The following MARCHF6 variants were observed in gnomAD, a reference collection of about 807,000 sequenced individuals.
MARCHF6 encodes the protein membrane associated ring-CH-type finger 6.
A neutral mutation model predicts 133.7 loss-of-function variants in MARCHF6; 31 were observed. That is an observed-to-expected ratio of 0.23 (90% CI 0.17 to 0.31). The LOEUF is 0.31. Among genes scored for constraint, MARCHF6 ranks in the 10% least tolerant of loss-of-function variants. MARCHF6 has a pLI of 1.00. For missense variants in MARCHF6, 723 were observed against 1,121.6 expected, an observed-to-expected ratio of 0.64 and a Z score of 5.08; for synonymous variants, 395 against 402.5, an observed-to-expected ratio of 0.98 and a Z score of 0.22.
Position 10,413,791 on chromosome 5 carries a change from A to G in MARCHF6, c.1897-642A>G, listed in dbSNP as rs533154819. Reference sequence around the variant, plus strand: ...CTACCAGGAGAACAGTATGGGGGAAACTGCCCCATGATTCAGTTATCTCCA... The same window carrying G: ...CTACCAGGAGAACAGTATGGGGGAAGCTGCCCCATGATTCAGTTATCTCCA... On this transcript the variant is annotated intron_variant, in intron 19 of 25. Coordinates refer to ENST00000274140, the MANE Select transcript of MARCHF6 (RefSeq NM_005885.4). 2.0e-5 allele frequency among the ~76,000 whole-genome samples: 3 copies of G among 152,212 alleles called. No individual in the cohort carries two copies. The East Asian group carries it at 5.8e-4, about 29-fold the overall frequency.
chr5:10,387,598 C>T (rs556987486), intron 5 of MARCHF6, among the ~76,000 whole-genome samples: 58 of 151,984 alleles, frequency 3.8e-4, no homozygotes, highest in African/African-American at 1.2e-3. Flanking sequence ...CCACCGCGCC[C>T]GTCCGGGATG....
intron 6 of MARCHF6, 124 bp downstream of exon 6, chr5:10,390,624 GGCA>G (rs1737767592): frequency 5.2e-6 from 5 of 958,618 alleles, no homozygotes; most frequent in Non-Finnish European, 7.5e-6. Flanking sequence ...TACAAAGGAG[GGCA>G]GCGGAAAGGT....
intron 1 of MARCHF6, among the ~76,000 whole-genome samples, chr5:10,356,343 A>ATTTATTTTACTTTAT (rs1735459520): frequency 2.0e-5 from 2 of 101,448 alleles, no homozygotes; most frequent in Non-Finnish European, 4.0e-5. Context: ...TCTGTTTTTT[A>ATTTATTTTACTTTAT]TTTATTTTAT....
At chr5:10,402,356 T>G in intron 12 of MARCHF6, 28 bp from the exon 13 acceptor site, 1 of 1,593,462 alleles carries the variant, frequency 6.3e-7, no homozygotes, top group Non-Finnish European at 8.6e-7. Context: ...CTTTAAATAC[T>G]CAGTTTTTCC....
chr5:10,372,179 A>G (rs1736511679), intron 1 of MARCHF6, among the ~76,000 whole-genome samples: 1 of 151,662 alleles, frequency 6.6e-6, no homozygotes, highest in Admixed American at 6.6e-5. Flanking sequence ...TTTCTGCTCC[A>G]TAATGGAGCA....
Position 10,378,726 on chromosome 5 carries a change from A to G in MARCHF6, c.117-33A>G, listed in dbSNP as rs755710274. On this transcript the variant is annotated intron_variant, in intron 2 of 25. Coordinates refer to ENST00000274140, the MANE Select transcript of MARCHF6 (RefSeq NM_005885.4). ...AAACTGTAATGTTTCTTTGCTGTAA[A>G]CACTGTACTTATGAATCTATTTATA... 7 of 1,296,066 alleles carry G rather than the reference A, an allele frequency of 5.4e-6. No homozygotes were observed. In the East Asian group the frequency reaches 1.6e-4, roughly 30 times the overall value. The allele number at this position is 1,296,066 out of a possible 1,614,324, so 80.3% of individuals were successfully genotyped here. A position where few individuals can be genotyped will look rare whatever the true frequency, so the allele number is the denominator to read the frequency against.
chr5:10,422,826 G>T (rs1460094812), intron 22 of MARCHF6, among the ~76,000 whole-genome samples: 1 of 152,110 alleles, frequency 6.6e-6, no homozygotes, highest in African/African-American at 2.4e-5. Flanking sequence ...GGATATAGAT[G>T]TATAGATGCA....
At chr5:10,376,690 C>G (rs994289552) in intron 1 of MARCHF6, among the ~76,000 whole-genome samples, 14 of 152,182 alleles carry the variant, frequency 9.2e-5, no homozygotes, top group African/African-American at 3.4e-4. Context: ...CTCCACCAGC[C>G]TAGAAAAGGC....
In MARCHF6 at chr5:10,439,053, C is replaced by T. The variant is rs1740756944; in HGVS notation, c.*5369C>T. 1 of 152,214 alleles carries T rather than the reference C, an allele frequency of 6.6e-6. No homozygotes were observed. Among genetic ancestry groups the T allele is most frequent in the Admixed American group, 6.5e-5 (1 of 15,292 alleles). 9.4% of individuals were successfully genotyped at this position (152,214 alleles called of 1,614,324 possible). On this transcript the variant is annotated 3_prime_UTR_variant, in exon 26 of 26. Coordinates refer to ENST00000274140, the MANE Select transcript of MARCHF6 (RefSeq NM_005885.4). ...TTCAGTAACTCTTCTTTAGGATACA[C>T]CTAAAGATGAGAAGCTTCATACCCA...
chr5:10,377,716 A>C, intron 1 of MARCHF6, 82 bp from the exon 2 acceptor site: 1 of 816,738 alleles, frequency 1.2e-6, no homozygotes. Flanking sequence ...TTTAATGTCC[A>C]ATATTTTGGT....
chr5:10,417,173 G>A (rs1739558929), intron 21 of MARCHF6, 97 bp from the exon 22 acceptor site: 3 of 1,371,770 alleles, frequency 2.2e-6, no homozygotes, highest in Non-Finnish European at 3.0e-6. Flanking sequence ...GATGACTGTG[G>A]TTGCTCTGTT....
Position 10,405,864 on chromosome 5 carries a change from A to G in MARCHF6, c.1452+187A>G, listed in dbSNP as rs551062383. Among the ~76,000 whole-genome samples, 5 of 152,294 alleles carry G rather than the reference A, an allele frequency of 3.3e-5. 1 individual carries two copies. In the East Asian group the frequency reaches 9.6e-4, roughly 29 times the overall value. ...GGTTACTTTGTTAAAATAAATATGTAAAAAGATATTTACTAAAAGGAAGAT... is the reference window on the plus strand; with the variant it reads ...GGTTACTTTGTTAAAATAAATATGTGAAAAGATATTTACTAAAAGGAAGAT... On this transcript the variant is annotated intron_variant, in intron 16 of 25. Transcript: ENST00000274140.
At position 10,397,389 on chromosome 5, in the gene MARCHF6, A is replaced by G. The variant is rs760319562; in HGVS notation, c.913+45A>G. 13 of 1,431,334 alleles carry G rather than the reference A, an allele frequency of 9.1e-6. No individual in the cohort carries two copies. The African/African-American group carries it at 1.6e-4, about 18-fold the overall frequency. 88.7% of individuals were successfully genotyped at this position (1,431,334 alleles called of 1,614,324 possible). A position where few individuals can be genotyped will look rare whatever the true frequency, so the allele number is the denominator to read the frequency against. ...TTTTTTTTTATAGTATTATGGTAGG[A>G]ATTTAGTTTTGTAGGAGCCTTGTTA... On this transcript the variant is annotated intron_variant, in intron 10 of 25. Transcript: ENST00000274140.
At position 10,405,657 on chromosome 5, in the gene MARCHF6, C is replaced by T; in HGVS notation, c.1432C>T (p.Arg478Ter). ...MIHLPIYRHL[R>*]RFILSVIVFG... ...CCATTTGCCAATATATAGGCATCTC[C>T]GAAGATTTATTTTGTCAGTGGTAAG... The change falls in exon 16 of 26, where the codon CGA becomes TGA. Residue 478 changes from arginine to a stop codon, truncating the protein, a stop_gained. Coordinates refer to ENST00000274140, the MANE Select transcript of MARCHF6 (RefSeq NM_005885.4). LOFTEE classifies it high-confidence loss of function. 6.3e-7 allele frequency: 1 copy of T among 1,592,660 alleles called. No individual in the cohort carries two copies. Among genetic ancestry groups the T allele is most frequent in the Non-Finnish European group, 8.5e-7 (1 of 1,173,362 alleles).
At chr5:10,378,215 G>C (rs1457521842) in intron 2 of MARCHF6, among the ~76,000 whole-genome samples, 1 of 152,084 alleles carries the variant, frequency 6.6e-6, no homozygotes, top group Non-Finnish European at 1.5e-5. Context: ...GTTTTGCTTG[G>C]CATAATAGTA....
chr5:10,424,031 G>GT lies in MARCHF6; in HGVS notation c.2373+215dup, dbSNP rs543351133. On this transcript the variant is annotated intron_variant, in intron 23 of 25. Coordinates refer to ENST00000274140, the MANE Select transcript of MARCHF6 (RefSeq NM_005885.4). ...GGAAAATAATTTGTTCTCAACCCTT[G>GT]TTTTTTTTAGTTAAAATGGAACCCT... Among the ~76,000 whole-genome samples the GT allele has an allele frequency of 6.2e-4, 89 of 142,720 alleles. 2 individuals carry two copies. Among genetic ancestry groups the GT allele is most frequent in the Middle Eastern group, 3.5e-3 (1 of 286 alleles). 93.6% of individuals were successfully genotyped at this position (142,720 alleles called of 152,430 possible). A position where few individuals can be genotyped will look rare whatever the true frequency, so the allele number is the denominator to read the frequency against.
intron 22 of MARCHF6, among the ~76,000 whole-genome samples, chr5:10,420,894 A>G: frequency 6.6e-6 from 1 of 152,196 alleles, no homozygotes; most frequent in East Asian, 1.9e-4. Flanking sequence ...TCTGCTTTCT[A>G]ATAGCATCTG....
chr5:10,375,362 C>A (rs992279452), intron 1 of MARCHF6, among the ~76,000 whole-genome samples: 1 of 152,254 alleles, frequency 6.6e-6, no homozygotes, highest in Non-Finnish European at 1.5e-5. Context: ...GCGCTGTGCT[C>A]GATTTCTTGC....
intron 1 of MARCHF6, among the ~76,000 whole-genome samples, chr5:10,368,983 T>C (rs1164298619): frequency 6.6e-6 from 1 of 151,134 alleles, no homozygotes; most frequent in Non-Finnish European, 1.5e-5. Context: ...AAATTTCCAA[T>C]GTGGGTGGAG....
Sources: gnomAD v4.1 joint callset for allele counts (sites outside exome capture counted in the v4.1 genomes callset) on GRCh38, gnomAD v4.1.1 for gene constraint, MANE v1.5 for transcripts, NCBI Gene and HGNC (gene_info 2026-07-23, HGNC 2026-07-21) for gene names.